RABGAP1L: variants seen among roughly 807,000 people sequenced by gnomAD.
RABGAP1L encodes the protein rab GTPase-activating protein 1-like.
RABGAP1L carries 63 observed loss-of-function variants against 137.7 expected under a neutral mutation model. The observed-to-expected ratio is 0.46, with a 90% CI of 0.37 to 0.56. The LOEUF (loss-of-function observed/expected upper bound fraction) is 0.56. Ranked by LOEUF, RABGAP1L falls within the 20% of genes least tolerant of loss-of-function variation. The pLI, the probability that RABGAP1L is intolerant of heterozygous loss-of-function variation, is 0.00. For synonymous variants in RABGAP1L, 431 were observed against 433.7 expected (o/e 0.99, Z 0.08); for missense variants, 1,095 against 1,244.0 (o/e 0.88, Z 1.80).
intron 13 of RABGAP1L, among the ~76,000 whole-genome samples, chr1:174,488,845 C>T (rs1373538045): frequency 1.3e-5 from 2 of 151,798 alleles, no homozygotes; most frequent in Non-Finnish European, 2.9e-5. Flanking sequence ...ATACATGTGC[C>T]ATGTTAATGT....
At chr1:174,636,361 T>G (rs966322396) in intron 13 of RABGAP1L, among the ~76,000 whole-genome samples, 12 of 151,826 alleles carry the variant, frequency 7.9e-5, no homozygotes, top group African/African-American at 2.9e-4. Flanking sequence ...CTACTAAAAA[T>G]ACACACACAC....
chr1:174,249,329 A>G lies in RABGAP1L; in HGVS notation c.718-1146A>G, dbSNP rs117404030. ...CTAAAGCCAGTATTTGCCTTATTCT[A>G]TGGTTCTGTATCTAGCCCCTGAGGC... is the stretch of plus-strand genomic sequence containing the variant. On this transcript the variant is annotated intron_variant, in intron 5 of 25. Transcript: ENST00000681986. Among the ~76,000 whole-genome samples, 66 of 152,278 alleles carry G rather than the reference A, an allele frequency of 4.3e-4. 1 individual carries two copies. Among genetic ancestry groups the G allele is most frequent in the Middle Eastern group, 6.8e-3 (2 of 294 alleles).
rs546067727 is a variant in RABGAP1L, at chr1:174,495,846, C to T, written c.1710+101701C>T. On this transcript the variant is annotated intron_variant, in intron 13 of 25. Transcript: ENST00000681986. ...TCATTTTGCACACATATGAGTTTAT[C>T]GATAGGATAAATTCCCAGGAGTAGA... Among the ~76,000 whole-genome samples, 20 of 152,144 alleles carry T rather than the reference C, an allele frequency of 1.3e-4. No individual in the cohort carries two copies. In the East Asian group the frequency reaches 1.5e-3, roughly 12 times the overall value.
chr1:174,942,105 A>G (rs74885132), intron 19 of RABGAP1L, among the ~76,000 whole-genome samples: 3,602 of 152,286 alleles, frequency 0.024, 61 homozygotes, highest in Middle Eastern at 0.082. Context: ...TTCACTGTTC[A>G]TAGTTCTAAG....
intron 1 of RABGAP1L, among the ~76,000 whole-genome samples, chr1:174,209,654 C>T (rs952253122): frequency 6.6e-6 from 1 of 152,216 alleles, no homozygotes. Flanking sequence ...CTTGACCCAC[C>T]TGGGGCCCAG....
chr1:174,197,030 G>T (rs1667740824), intron 1 of RABGAP1L, among the ~76,000 whole-genome samples: 1 of 152,100 alleles, frequency 6.6e-6, no homozygotes, highest in Non-Finnish European at 1.5e-5. Context: ...GAAGCCCCAG[G>T]AATGACTGAT....
At chr1:174,379,313 A>C (rs1166213400) in intron 12 of RABGAP1L, among the ~76,000 whole-genome samples, 3 of 146,442 alleles carry the variant, frequency 2.0e-5, no homozygotes, top group African/African-American at 7.7e-5. Flanking sequence ...GTTTTTTCCA[A>C]TTCTGTGAAG....
intron 19 of RABGAP1L, among the ~76,000 whole-genome samples, chr1:174,932,738 A>G (rs932122625): frequency 6.6e-6 from 1 of 152,142 alleles, no homozygotes; most frequent in South Asian, 2.1e-4. Flanking sequence ...TTTATTCAGT[A>G]TTATATCTTA....
At chr1:174,850,052 G>T in intron 19 of RABGAP1L, 1 of 560,650 alleles carries the variant, frequency 1.8e-6, no homozygotes, top group South Asian at 1.4e-5. Context: ...GCTCTTGCAG[G>T]AGGCTGTTGG....
intron 5 of RABGAP1L, chr1:174,245,699 G>A (rs1408148714): frequency 6.6e-6 from 1 of 151,672 alleles, no homozygotes; most frequent in Non-Finnish European, 1.5e-5. Context: ...GCAGTGGCGT[G>A]ATCTCGGCTC....
At chr1:174,732,918 T>C (rs923891332) in intron 17 of RABGAP1L, among the ~76,000 whole-genome samples, 5 of 152,210 alleles carry the variant, frequency 3.3e-5, no homozygotes, top group Non-Finnish European at 5.9e-5. Flanking sequence ...TTTAACATGA[T>C]AATTGTCAGG....
At chr1:174,258,255 G>A (rs142776795) in intron 7 of RABGAP1L, among the ~76,000 whole-genome samples, 42 of 152,266 alleles carry the variant, frequency 2.8e-4, no homozygotes, top group African/African-American at 9.4e-4. Flanking sequence ...AGTCCAGCAG[G>A]TGGCAGCCTT....
chr1:174,511,040 G>A (rs1393513399), intron 13 of RABGAP1L, among the ~76,000 whole-genome samples: 2 of 152,238 alleles, frequency 1.3e-5, no homozygotes, highest in Admixed American at 1.3e-4. Context: ...TACTAGTTAT[G>A]TTTCTTAAGG....
chr1:174,685,551 C>CTTTCTTTCTTTATTTATTTATTTA (rs112033205), intron 15 of RABGAP1L, among the ~76,000 whole-genome samples: 1 of 144,970 alleles, frequency 6.9e-6, no homozygotes, highest in African/African-American at 2.6e-5. Flanking sequence ...CCGCGCCGGC[C>CTTTCTTTCTTTATTTATTTATTTA]TTTATTTATT....
chr1:174,248,762 C>G (rs1035620299), intron 5 of RABGAP1L, among the ~76,000 whole-genome samples: 1 of 152,222 alleles, frequency 6.6e-6, no homozygotes, highest in East Asian at 1.9e-4. Context: ...GGGAGTATTC[C>G]TGTTTCAAGC....
chr1:174,632,690 C>G (rs1161043387), intron 13 of RABGAP1L, among the ~76,000 whole-genome samples: 3 of 148,608 alleles, frequency 2.0e-5, no homozygotes, highest in Non-Finnish European at 4.5e-5. Flanking sequence ...CGCATCGGCT[C>G]CTGAGGCTTC....
chr1:174,272,291 AAAAC>A (rs999962237), intron 7 of RABGAP1L, 119 bp from the exon 8 acceptor site: 2 of 993,320 alleles, frequency 2.0e-6, no homozygotes, highest in African/African-American at 3.5e-5. Context: ...TTTTAGAAAA[AAAAC>A]TAAAGCTTAT....
intron 11 of RABGAP1L, among the ~76,000 whole-genome samples, chr1:174,313,913 T>G (rs953990589): frequency 1.3e-4 from 20 of 152,156 alleles, no homozygotes; most frequent in African/African-American, 4.8e-4. Context: ...TTGCTGGTAT[T>G]TTGTTGATGA....
intron 13 of RABGAP1L, among the ~76,000 whole-genome samples, chr1:174,525,839 T>C (rs966007101): frequency 4.6e-5 from 7 of 152,186 alleles, no homozygotes; most frequent in Admixed American, 3.9e-4. Flanking sequence ...GTTTTTATCA[T>C]GAAGGGACAT....
Sources: gnomAD v4.1 joint callset for allele counts (sites outside exome capture counted in the v4.1 genomes callset) on GRCh38, gnomAD v4.1.1 for gene constraint, MANE v1.5 for transcripts, NCBI Gene and HGNC (gene_info 2026-07-23, HGNC 2026-07-21) for gene names.